Variants in ENTPD1 observed in about 807,000 individuals in gnomAD.
ENTPD1 encodes ectonucleoside triphosphate diphosphohydrolase 1.
A neutral mutation model predicts 57.0 loss-of-function variants in ENTPD1; 33 were observed. The observed-to-expected ratio is 0.58, with a 90% CI of 0.44 to 0.77. ENTPD1 has a LOEUF of 0.77. Among genes scored for constraint, ENTPD1 ranks in the 30% least tolerant of loss-of-function variants. The probability of loss-of-function intolerance (pLI) is 0.00; values close to 1 mark genes in which losing one functional copy is unlikely to be tolerated. For missense variants in ENTPD1, 501 were observed against 603.4 expected (o/e 0.83, Z 1.78); for synonymous variants, 202 against 218.8 (o/e 0.92, Z 0.68).
intron 1 of ENTPD1, among the ~76,000 whole-genome samples, chr10:95,787,893 G>A (rs2098186967): frequency 6.6e-6 from 1 of 152,120 alleles, no homozygotes; most frequent in Non-Finnish European, 1.5e-5. Flanking sequence ...AGTGGATATG[G>A]CAACACTTTC....
chr10:95,755,349 C>T (rs1236869288), upstream of ENTPD1: 2 of 215,054 alleles, frequency 9.3e-6, no homozygotes, highest in East Asian at 2.3e-4. Context: ...CGCCTTGGGA[C>T]TTGAGGACTT....
In ENTPD1 at chr10:95,866,219, A is replaced by T. The variant is rs761044845; in HGVS notation, c.1369A>T (p.Asn457Tyr). 1 of 1,614,126 alleles carries T rather than the reference A, an allele frequency of 6.2e-7. No individual in the cohort carries two copies. The highest frequency in any genetic ancestry group is 8.5e-7 in the Non-Finnish European group (1 of 1,180,020). The change falls in exon 10 of 10, where the codon AAC (asparagine) becomes TAC (tyrosine). Residue 457 changes from asparagine (N) to tyrosine (Y), a missense_variant. Transcript: ENST00000371205. ...CGGCTGGACTTTGGGCTACATGCTG[A>T]ACCTGACCAACATGATCCCAGCTGA... is the stretch of plus-strand genomic sequence containing the variant. ...DAGWTLGYML[N>Y]LTNMIPAEQP...
chr10:95,702,559 T>G, the ENTPD1 span, among the ~76,000 whole-genome samples: 2 of 142,482 alleles, frequency 1.4e-5, no homozygotes, highest in Non-Finnish European at 3.1e-5. Flanking sequence ...AGGAGAGAGA[T>G]AATGGGGTAG....
chr10:95,708,944 A>G (rs1427446606), upstream of ENTPD1, among the ~76,000 whole-genome samples: 1 of 152,238 alleles, frequency 6.6e-6, no homozygotes, highest in Non-Finnish European at 1.5e-5. Context: ...AGCTCTCTCA[A>G]TACAATAATT....
intron 1 of ENTPD1, among the ~76,000 whole-genome samples, chr10:95,749,494 A>G (rs2098009556): frequency 2.0e-5 from 3 of 152,228 alleles, no homozygotes; most frequent in South Asian, 4.1e-4. Context: ...GCTTTCTGGT[A>G]TACCTCCTGC....
In ENTPD1 at chr10:95,868,560, CCTT is replaced by C. The variant is rs1350519518; in HGVS notation, c.*2180_*2182del. On this transcript the variant is annotated 3_prime_UTR_variant, in exon 10 of 10. Coordinates refer to ENST00000371205, the MANE Select transcript of ENTPD1 (RefSeq NM_001776.6). ...TTGAGCCAATAACAGCCGCTTTTTT[CCTT>C]CTGTCTGCGTATACAAAGCACTGTC... is the stretch of plus-strand genomic sequence containing the variant. The C allele has an allele frequency of 3.0e-6, 3 of 985,182 alleles. No homozygotes were observed. The African/African-American group carries it at 5.2e-5, about 17-fold the overall frequency. 61.0% of individuals were successfully genotyped at this position (985,182 alleles called of 1,614,324 possible).
chr10:95,822,233 C>T (rs1208518333), intron 1 of ENTPD1, among the ~76,000 whole-genome samples: 1 of 151,632 alleles, frequency 6.6e-6, no homozygotes, highest in Non-Finnish European at 1.5e-5. Flanking sequence ...CTGTTGACCT[C>T]GTGATCCACC....
At chr10:95,858,101 G>A (rs2098458581) in intron 7 of ENTPD1, among the ~76,000 whole-genome samples, 1 of 150,770 alleles carries the variant, frequency 6.6e-6, no homozygotes, top group African/African-American at 2.5e-5. Flanking sequence ...AGCTTGCAGT[G>A]AGCCGAGATC....
intron 1 of ENTPD1, among the ~76,000 whole-genome samples, chr10:95,729,705 T>C (rs1334074900): frequency 6.6e-6 from 1 of 152,228 alleles, no homozygotes; most frequent in Admixed American, 6.5e-5. Context: ...CCTCACTCTA[T>C]GTTGTCTTGG....
chr10:95,845,477 T>C lies in ENTPD1; in HGVS notation c.694T>C (p.Ser232Pro). 2 of 1,614,072 alleles carry C rather than the reference T, an allele frequency of 1.2e-6. No individual in the cohort carries two copies. The highest frequency in any genetic ancestry group is 1.7e-6 in the Non-Finnish European group (2 of 1,180,016). ...TGTACCCCAAAACCAGACTATCGAG[T>C]CCCCAGATAATGCTCTGCAATTTCG... ...TFVPQNQTIESPDNALQFRLY... is the reference protein window; with the variant it reads ...TFVPQNQTIEPPDNALQFRLY... Residue 232 changes from serine to proline, a missense_variant, in exon 6 of 10, where the codon TCC becomes CCC. Transcript: ENST00000371205.
At chr10:95,695,048 G>A in the ENTPD1 span, among the ~76,000 whole-genome samples, 4 of 151,838 alleles carry the variant, frequency 2.6e-5, no homozygotes, top group East Asian at 5.8e-4. Context: ...TGACAGGCAC[G>A]CGCCACCACG....
intron 7 of ENTPD1, among the ~76,000 whole-genome samples, chr10:95,855,082 G>A (rs1012621915): frequency 3.3e-5 from 5 of 152,128 alleles, no homozygotes; most frequent in Non-Finnish European, 7.3e-5. Context: ...AAGTCTCTTT[G>A]TGGGTCACTA....
chr10:95,876,647 C>T lies in ENTPD1; in HGVS notation c.*10264C>T. On this transcript the variant is annotated 3_prime_UTR_variant, in exon 10 of 10. Coordinates refer to ENST00000371205, the MANE Select transcript of ENTPD1 (RefSeq NM_001776.6). Reference sequence around the variant, plus strand: ...TTTGAAGGATGTATTTGGCTGTCTTCTGGACAGGCCATTCTAATAACAGAA... The same window carrying T: ...TTTGAAGGATGTATTTGGCTGTCTTTTGGACAGGCCATTCTAATAACAGAA... 1 of 1,228,414 alleles carries T rather than the reference C, an allele frequency of 8.1e-7. No individual in the cohort carries two copies. The highest frequency in any genetic ancestry group is 1.0e-6 in the Non-Finnish European group (1 of 986,264). 76.1% of individuals were successfully genotyped at this position (1,228,414 alleles called of 1,614,324 possible).
chr10:95,724,807 G>C (rs1391906049), intron 1 of ENTPD1, among the ~76,000 whole-genome samples: 1 of 152,218 alleles, frequency 6.6e-6, no homozygotes, highest in Non-Finnish European at 1.5e-5. Context: ...GTGTGCAGTT[G>C]CAAGATTTAA....
intron 1 of ENTPD1, among the ~76,000 whole-genome samples, chr10:95,738,064 T>C (rs1271781543): frequency 6.6e-6 from 1 of 152,070 alleles, no homozygotes; most frequent in Non-Finnish European, 1.5e-5. Flanking sequence ...GGAGGGAAGA[T>C]GAAGGAGACC....
chr10:95,868,358 G>A lies in ENTPD1; in HGVS notation c.*1975G>A. The A allele has an allele frequency of 1.0e-6, 1 of 985,458 alleles. No individual in the cohort carries two copies. The highest frequency in any genetic ancestry group is 4.7e-5 in the South Asian group (1 of 21,290). 61.0% of individuals were successfully genotyped at this position (985,458 alleles called of 1,614,324 possible). Reference sequence around the variant, plus strand: ...GGAGGCAGAAAGCTGGTCTGTTCCTGATAGGCTTGTAATTTAATATCATTC... The same window carrying A: ...GGAGGCAGAAAGCTGGTCTGTTCCTAATAGGCTTGTAATTTAATATCATTC... On this transcript the variant is annotated 3_prime_UTR_variant, in exon 10 of 10. Transcript: ENST00000371205.
chr10:95,789,556 T>C (rs1250872881), intron 1 of ENTPD1, among the ~76,000 whole-genome samples: 1 of 152,128 alleles, frequency 6.6e-6, no homozygotes, highest in Non-Finnish European at 1.5e-5. Flanking sequence ...GGGTCCACTT[T>C]GCAACAATTG....
intron 1 of ENTPD1, among the ~76,000 whole-genome samples, chr10:95,757,995 A>G (rs113649801): frequency 0.066 from 7,278 of 109,806 alleles, 252 homozygotes; most frequent in South Asian, 0.11. Flanking sequence ...AGAGTGAGAC[A>G]CTGTCTCAAA....
chr10:95,727,068 G>A (rs1933168), intron 1 of ENTPD1, among the ~76,000 whole-genome samples: 25,362 of 152,054 alleles, frequency 0.17, 2,531 homozygotes, highest in African/African-American at 0.27. Flanking sequence ...AGAAGTTGAT[G>A]AAATGCCAAT....
Sources: allele counts gnomAD v4.1 joint callset (sites outside exome capture counted in the v4.1 genomes callset), GRCh38; gene constraint gnomAD v4.1.1; transcripts MANE v1.5; gene names NCBI Gene and HGNC (gene_info 2026-07-23, HGNC 2026-07-21).